Variants in PAK5 observed in about 807,000 individuals in gnomAD.
PAK5 encodes the protein p21 (RAC1) activated kinase 5, also known as serine/threonine-protein kinase PAK 5.
A neutral mutation model predicts 65.9 loss-of-function variants in PAK5; 16 were observed. The observed-to-expected ratio is 0.24, with a 90% CI of 0.16 to 0.37. PAK5 has a LOEUF of 0.37. PAK5 is among the 10% of genes least tolerant of loss of function. The pLI, the probability that PAK5 is intolerant of heterozygous loss-of-function variation, is 1.00. For synonymous variants in PAK5, 371 were observed against 354.9 expected (o/e 1.05, Z -0.51); for missense variants, 785 against 903.9 (o/e 0.87, Z 1.69).
rs139252001 is a variant in PAK5, at chr20:9,822,148, G to T, written c.-162+16614C>A. 9.7e-3 allele frequency among the ~76,000 whole-genome samples: 1,475 copies of T among 152,140 alleles called. 80 individuals carry two copies. The highest frequency in any genetic ancestry group is 0.086 in the Admixed American group (1,318 of 15,266). ...ACTAAAAATACAAAAAATTAGCCAG[G>T]TGTGGTGGTGCATCTCTGTAGTCAC... On this transcript the variant is annotated intron_variant, in intron 1 of 9. Transcript: ENST00000353224.
At chr20:9,776,777 G>A (rs146704004) in intron 1 of PAK5, among the ~76,000 whole-genome samples, 6 of 152,248 alleles carry the variant, frequency 3.9e-5, no homozygotes, top group South Asian at 2.1e-4. Context: ...AGATGAGACC[G>A]TAGCCATGAT....
chr20:9,578,292 G>T (rs920884325), intron 4 of PAK5, among the ~76,000 whole-genome samples: 3 of 152,110 alleles, frequency 2.0e-5, no homozygotes, highest in Non-Finnish European at 4.4e-5. Flanking sequence ...CATGCTATGT[G>T]AAAATGTGGA....
At chr20:9,646,348 C>G (rs893736139) in intron 2 of PAK5, among the ~76,000 whole-genome samples, 3 of 152,172 alleles carry the variant, frequency 2.0e-5, no homozygotes, top group African/African-American at 7.2e-5. Context: ...CAAAACCCAT[C>G]GCATTCATTC....
At chr20:9,660,138 G>A (rs1021045170) in intron 2 of PAK5, among the ~76,000 whole-genome samples, 3 of 151,926 alleles carry the variant, frequency 2.0e-5, no homozygotes, top group Admixed American at 6.6e-5. Flanking sequence ...GCCACCTGAG[G>A]CTCTCAAACC....
At chr20:9,782,644 C>T (rs1231362288) in intron 1 of PAK5, among the ~76,000 whole-genome samples, 4 of 152,166 alleles carry the variant, frequency 2.6e-5, no homozygotes, top group African/African-American at 9.7e-5. Flanking sequence ...ACTCCATTCT[C>T]CCTTTCATTC....
At chr20:9,790,379 GGAAAAGA>G (rs1354247394) in intron 1 of PAK5, among the ~76,000 whole-genome samples, 2 of 152,072 alleles carry the variant, frequency 1.3e-5, no homozygotes, top group African/African-American at 4.8e-5. Context: ...CATGAAAAGA[GGAAAAGA>G]GGGGAGAGGG....
At chr20:9,566,417 C>T (rs2123003361) in intron 4 of PAK5, 33 bp from the exon 5 acceptor site, 1 of 1,590,818 alleles carries the variant, frequency 6.3e-7, no homozygotes, top group Non-Finnish European at 8.6e-7. Context: ...AGAATATTCA[C>T]ATGCTGGATC....
intron 2 of PAK5, among the ~76,000 whole-genome samples, chr20:9,654,848 C>T (rs553073200): frequency 6.6e-6 from 1 of 152,264 alleles, no homozygotes; most frequent in South Asian, 2.1e-4. Flanking sequence ...CTCATCTTGA[C>T]CCTCACCCAA....
At chr20:9,680,320 G>C (rs2047632496) in intron 2 of PAK5, among the ~76,000 whole-genome samples, 1 of 152,166 alleles carries the variant, frequency 6.6e-6, no homozygotes. Context: ...CTCAGAAGCT[G>C]ATCCTTAAAC....
chr20:9,568,128 C>T (rs970392612), intron 4 of PAK5, among the ~76,000 whole-genome samples: 2 of 152,116 alleles, frequency 1.3e-5, no homozygotes, highest in Non-Finnish European at 2.9e-5. Flanking sequence ...AAGACGTTGG[C>T]TTTTGCTCCG....
At chr20:9,639,372 AAGAT>A (rs1451345972) in intron 3 of PAK5, among the ~76,000 whole-genome samples, 1 of 152,206 alleles carries the variant, frequency 6.6e-6, no homozygotes, top group African/African-American at 2.4e-5. Context: ...TATTTGGAGA[AAGAT>A]AGGATTTGCT....
intron 1 of PAK5, among the ~76,000 whole-genome samples, chr20:9,723,095 C>A (rs574135570): frequency 1.3e-5 from 2 of 152,086 alleles, no homozygotes; most frequent in African/African-American, 4.8e-5. Flanking sequence ...CATTGACGAG[C>A]GTGGAGCAGC....
At chr20:9,628,280 A>G (rs1329717705) in intron 3 of PAK5, among the ~76,000 whole-genome samples, 1 of 152,220 alleles carries the variant, frequency 6.6e-6, no homozygotes, top group East Asian at 1.9e-4. Flanking sequence ...AACTTGCACT[A>G]GGTCATATAG....
At chr20:9,576,682 C>A (rs1216200175) in intron 4 of PAK5, among the ~76,000 whole-genome samples, 1 of 152,162 alleles carries the variant, frequency 6.6e-6, no homozygotes, top group Non-Finnish European at 1.5e-5. Flanking sequence ...AGGCTTTGCA[C>A]CCACAGAAGC....
chr20:9,738,775 T>C (rs1179118541), intron 1 of PAK5, among the ~76,000 whole-genome samples: 1 of 152,072 alleles, frequency 6.6e-6, no homozygotes, highest in African/African-American at 2.4e-5. Context: ...GTTGTATACA[T>C]ATGTCAACAT....
At chr20:9,834,213 A>G (rs1489823399) in intron 1 of PAK5, among the ~76,000 whole-genome samples, 1 of 152,226 alleles carries the variant, frequency 6.6e-6, no homozygotes, top group East Asian at 1.9e-4. Flanking sequence ...TGAGACTAAT[A>G]TAAAAATCTG....
At chr20:9,541,083 C>T (rs1255908084) in intron 9 of PAK5, among the ~76,000 whole-genome samples, 32 of 152,144 alleles carry the variant, frequency 2.1e-4, no homozygotes, top group Admixed American at 2.1e-3. Context: ...ATTTCAATCT[C>T]TCTTTTTTTG....
chr20:9,659,603 G>A (rs958066293), intron 2 of PAK5, among the ~76,000 whole-genome samples: 2 of 152,122 alleles, frequency 1.3e-5, no homozygotes, highest in African/African-American at 2.4e-5. Context: ...TTGGGTATAA[G>A]AAACTTTCCT....
intron 2 of PAK5, among the ~76,000 whole-genome samples, chr20:9,646,501 T>C (rs1042876927): frequency 1.2e-4 from 19 of 152,200 alleles, no homozygotes; most frequent in African/African-American, 4.3e-4. Context: ...TTACTACAAG[T>C]AGGTCAATAA....
Sources: gnomAD v4.1 joint callset for allele counts (sites outside exome capture counted in the v4.1 genomes callset) on GRCh38, gnomAD v4.1.1 for gene constraint, MANE v1.5 for transcripts, NCBI Gene and HGNC (gene_info 2026-07-23, HGNC 2026-07-21) for gene names.